MTMR8: variants seen among roughly 807,000 people sequenced by gnomAD.
MTMR8 encodes phosphatidylinositol-3,5-bisphosphate 3-phosphatase MTMR8.
In MTMR8, 65 loss-of-function variants were observed where a neutral mutation model predicts 39.3. The observed-to-expected ratio is 1.65, with a 90% CI of 1.35 to 2.03. The LOEUF (loss-of-function observed/expected upper bound fraction) is 2.03. Ranked by LOEUF, MTMR8 falls within the 30% of genes most tolerant of loss-of-function variation. The probability of loss-of-function intolerance (pLI) is 0.00; values close to 1 mark genes in which losing one functional copy is unlikely to be tolerated. For synonymous variants in MTMR8, 245 were observed against 185.2 expected (o/e 1.32, Z -2.62); for missense variants, 777 against 538.9 (o/e 1.44, Z -4.37).
intron 12 of MTMR8, among the ~76,000 whole-genome samples, chrX:64,281,786 G>A (rs904241278): frequency 9.1e-6 from 1 of 110,405 alleles, no homozygotes; most frequent in Admixed American, 9.7e-5. Context: ...GAAAATTTTT[G>A]CAATCTACCC....
chrX:64,386,685 G>A (rs1168565813), intron 1 of MTMR8, among the ~76,000 whole-genome samples: 1 of 111,868 alleles, frequency 8.9e-6, no homozygotes, highest in Non-Finnish European at 1.9e-5. Context: ...TAATCTCAAT[G>A]CAGAAGGATA....
intron 1 of MTMR8, among the ~76,000 whole-genome samples, chrX:64,374,650 G>A (rs1341167226): frequency 9.0e-6 from 1 of 111,617 alleles, no homozygotes; most frequent in African/African-American, 3.3e-5. Flanking sequence ...CCTATAGTAG[G>A]TTGAATGGCA....
intron 1 of MTMR8, among the ~76,000 whole-genome samples, chrX:64,364,266 A>T (rs1923880537): frequency 8.9e-6 from 1 of 112,470 alleles, no homozygotes; most frequent in Non-Finnish European, 1.9e-5. Context: ...GAGCTCTGAG[A>T]AAGGACGGAA....
chrX:64,381,421 C>T (rs1010944517), intron 1 of MTMR8, among the ~76,000 whole-genome samples: 10 of 107,005 alleles, frequency 9.3e-5, no homozygotes, highest in African/African-American at 3.2e-4. Context: ...CTGTGCATAT[C>T]CTTCGCCTAC....
intron 1 of MTMR8, among the ~76,000 whole-genome samples, chrX:64,370,583 G>A (rs1192693191): frequency 9.0e-6 from 1 of 111,550 alleles, no homozygotes; most frequent in Non-Finnish European, 1.9e-5. Context: ...TTTAAGAAAA[G>A]GATATTCATT....
At chrX:64,289,788 T>A (rs1921336538) in intron 12 of MTMR8, among the ~76,000 whole-genome samples, 1 of 110,768 alleles carries the variant, frequency 9.0e-6, no homozygotes, top group Admixed American at 9.7e-5. Context: ...ATATGGTATA[T>A]ACAACCAATT....
At chrX:64,337,627 G>A (rs1923113114) in intron 8 of MTMR8, among the ~76,000 whole-genome samples, 2 of 111,221 alleles carry the variant, frequency 1.8e-5, no homozygotes, top group South Asian at 7.5e-4. Context: ...CATAATGCAG[G>A]GCAAAAAGAA....
chrX:64,316,198 C>G (rs1355510251), intron 12 of MTMR8, among the ~76,000 whole-genome samples: 3 of 112,219 alleles, frequency 2.7e-5, no homozygotes. Flanking sequence ...TCTTTCCATT[C>G]TTCTTTCTTC....
At chrX:64,319,986 A>C (rs1044191273) in intron 12 of MTMR8, among the ~76,000 whole-genome samples, 18 of 111,048 alleles carry the variant, frequency 1.6e-4, no homozygotes, top group Admixed American at 8.6e-4. Context: ...TCTATAAATT[A>C]CCTTGGGCAG....
At chrX:64,292,248 A>G (rs1921422623) in intron 12 of MTMR8, among the ~76,000 whole-genome samples, 1 of 111,811 alleles carries the variant, frequency 8.9e-6, no homozygotes, top group Non-Finnish European at 1.9e-5. Context: ...TATGCTTTAG[A>G]TACTCTCATT....
intron 1 of MTMR8, among the ~76,000 whole-genome samples, chrX:64,370,043 G>C (rs917777907): frequency 9.0e-6 from 1 of 110,952 alleles, no homozygotes; most frequent in African/African-American, 3.3e-5. Context: ...GCCTGAGATG[G>C]GGGAGTGGAA....
intron 12 of MTMR8, among the ~76,000 whole-genome samples, chrX:64,301,933 C>T (rs1230758628): frequency 8.9e-6 from 1 of 112,090 alleles, no homozygotes; most frequent in Non-Finnish European, 1.9e-5. Flanking sequence ...TCTCAGATCT[C>T]CAGCTGCGTG....
intron 1 of MTMR8, among the ~76,000 whole-genome samples, chrX:64,386,925 C>T (rs1234775057): frequency 9.1e-6 from 1 of 110,136 alleles, no homozygotes; most frequent in Non-Finnish European, 1.9e-5. Context: ...TGGGGCCATG[C>T]TCCTGTGGTC....
Position 64,386,573 on chromosome X carries a change from C to G in MTMR8, c.24+8767G>C, listed in dbSNP as rs180889060. The stretch of plus-strand genomic sequence containing the variant: ...AAGTAGAACACTCCCCCTACCACCA[C>G]GGAAAATACTTATGGGAAAAGCTGC... On this transcript the variant is annotated intron_variant, in intron 1 of 13. Coordinates refer to ENST00000374852, the MANE Select transcript of MTMR8 (RefSeq NM_017677.4). Among the ~76,000 whole-genome samples, 18 of 111,892 alleles carry G rather than the reference C, an allele frequency of 1.6e-4. No individual in the cohort carries two copies. In the East Asian group the frequency reaches 4.2e-3, roughly 26 times the overall value.
intron 12 of MTMR8, among the ~76,000 whole-genome samples, chrX:64,315,540 A>G (rs1922441960): frequency 9.0e-6 from 1 of 111,347 alleles, no homozygotes; most frequent in South Asian, 3.8e-4. Context: ...ATTTAATCTG[A>G]TACTATGTGA....
At chrX:64,355,132 T>C (rs1372841849) in intron 3 of MTMR8, among the ~76,000 whole-genome samples, 198 bp from the exon 4 acceptor site, 1 of 111,468 alleles carries the variant, frequency 9.0e-6, no homozygotes, top group African/African-American at 3.3e-5. Context: ...TTTGAAAAAA[T>C]GTTTTAATTT....
chrX:64,381,720 G>A (rs1924430114), intron 1 of MTMR8, among the ~76,000 whole-genome samples: 1 of 110,762 alleles, frequency 9.0e-6, no homozygotes, highest in African/African-American at 3.3e-5. Context: ...TTTCTTCTAG[G>A]GTTTTTATGG....
At position 64,389,028 on chromosome X, in the gene MTMR8, C is replaced by T. The variant is rs1041421947; in HGVS notation, c.24+6312G>A. ...CAAACTTGGGTCACAGACTGTTTGG[C>T]TTCGTATTTCCAGCTCTGGGCAAGT... On this transcript the variant is annotated intron_variant, in intron 1 of 13. Coordinates refer to ENST00000374852, the MANE Select transcript of MTMR8 (RefSeq NM_017677.4). Among the ~76,000 whole-genome samples, 10 of 111,722 alleles carry T rather than the reference C, an allele frequency of 9.0e-5. No homozygotes were observed. In the Admixed American group the frequency reaches 9.5e-4, roughly 11 times the overall value.
Position 64,354,793 on chromosome X carries a change from G to A in MTMR8, c.452C>T (p.Ala151Val), listed in dbSNP as rs145708557. Residue 151 changes from alanine (A) to valine (V), a missense_variant, in exon 4 of 14, where the codon GCC (alanine) becomes GTC (valine). By Grantham distance (64) the Ala-to-Val change is moderately conservative. Transcript: ENST00000374852. ...CAAAATTACCTCATAGTTTCTGTTG[G>A]CATCTGTTATGGTCCAGTTTCTGTT... ...IPNRNWTITD[A>V]NRNYEICSTY... The A allele has an allele frequency of 2.3e-5, 27 of 1,183,780 alleles. No homozygotes were observed. In the African/African-American group the frequency reaches 4.7e-4, roughly 20 times the overall value.
Sources: allele counts gnomAD v4.1 joint callset (sites outside exome capture counted in the v4.1 genomes callset), GRCh38; gene constraint gnomAD v4.1.1; transcripts MANE v1.5; gene names NCBI Gene and HGNC (gene_info 2026-07-23, HGNC 2026-07-21).